PDK4: variants seen among roughly 807,000 people sequenced by gnomAD.
PDK4 encodes pyruvate dehydrogenase kinase 4.
PDK4 carries 43 observed loss-of-function variants against 51.7 expected under a neutral mutation model. That is an observed-to-expected ratio of 0.83 (90% CI 0.65 to 1.07). The LOEUF (loss-of-function observed/expected upper bound fraction) is 1.07, where lower values mean the gene tolerates loss of function less well. PDK4 is among the 50% of genes least tolerant of loss of function. The pLI is 0.00. For missense variants in PDK4, 498 were observed against 503.5 expected (o/e 0.99, Z 0.10); for synonymous variants, 170 against 176.6 (o/e 0.96, Z 0.30).
intron 10 of PDK4, 110 bp downstream of exon 10, chr7:95,586,900 T>C: frequency 1.6e-6 from 1 of 633,650 alleles, no homozygotes; most frequent in Non-Finnish European, 2.9e-6. Context: ...CCTGTAGTCA[T>C]TATTTGCATT....
intron 6 of PDK4, among the ~76,000 whole-genome samples, chr7:95,590,485 G>A (rs80104836): frequency 0.013 from 2,010 of 152,238 alleles, 44 homozygotes; most frequent in African/African-American, 0.044. Flanking sequence ...ATTCTTCAGC[G>A]TTCCAGGCCT....
At chr7:95,587,949 T>A in intron 7 of PDK4, 124 bp from the exon 8 acceptor site, 1 of 665,400 alleles carries the variant, frequency 1.5e-6, no homozygotes, top group South Asian at 1.9e-5. Context: ...TTTTTTAAGT[T>A]AGTAGTAAAA....
rs879153917 is a variant in PDK4 at position 95,587,679 on chromosome 7, A to G, written c.870+48T>C. On this transcript the variant is annotated intron_variant, in intron 8 of 10. Coordinates refer to ENST00000005178, the MANE Select transcript of PDK4 (RefSeq NM_002612.4). ...AGACAGCTTTATTACTATTGACCCT[A>G]TTTAATTCTCTCAAGAGACACCCAA... The G allele has an allele frequency of 1.4e-5, 19 of 1,325,536 alleles. No homozygotes were observed. The Admixed American group carries it at 3.2e-4, about 22-fold the overall frequency. 82.1% of individuals were successfully genotyped at this position (1,325,536 alleles called of 1,614,324 possible).
chr7:95,588,705 G>T (rs904297965), intron 7 of PDK4, among the ~76,000 whole-genome samples: 2 of 152,102 alleles, frequency 1.3e-5, no homozygotes, highest in African/African-American at 4.8e-5. Context: ...TCTTTTTTAG[G>T]CTTCCTTCTC....
Position 95,585,499 on chromosome 7 carries a change from C to A in PDK4, c.*142G>T. The A allele has an allele frequency of 1.6e-6, 1 of 645,004 alleles. No homozygotes were observed. The highest frequency in any genetic ancestry group is 2.5e-6 in the Non-Finnish European group (1 of 399,270). The allele number at this position is 645,004 out of a possible 1,614,324, so 40.0% of individuals were successfully genotyped here. On this transcript the variant is annotated 3_prime_UTR_variant, in exon 11 of 11. Transcript: ENST00000005178. ...TGGGTCACAGAAACAAGCTCCATTC[C>A]TCATTGGATCAGTGTTCTGATTAAG...
chr7:95,595,010 G>A lies in PDK4; in HGVS notation c.272+13C>T. 6.3e-7 allele frequency: 1 copy of A among 1,597,232 alleles called. No homozygotes were observed. Among genetic ancestry groups the A allele is most frequent in the South Asian group, 1.1e-5 (1 of 88,784 alleles). ...TTTCAAAACTAGAGACTTCAATATG[G>A]TTCACCACTTACCAGCTTTTAACCA... On this transcript the variant is annotated intron_variant, in intron 2 of 10. Coordinates refer to ENST00000005178, the MANE Select transcript of PDK4 (RefSeq NM_002612.4).
chr7:95,592,726 G>T, intron 4 of PDK4, 34 bp downstream of exon 4: 1 of 1,546,568 alleles, frequency 6.5e-7, no homozygotes, highest in Non-Finnish European at 8.9e-7. Flanking sequence ...CTACACCCAT[G>T]TCTATATACC....
At chr7:95,594,430 G>GTT (rs11308239) in intron 2 of PDK4, among the ~76,000 whole-genome samples, 29 of 149,508 alleles carry the variant, frequency 1.9e-4, no homozygotes, top group Admixed American at 1.9e-3. Context: ...GTCCTAAGTG[G>GTT]TTTTTTTTTT....
intron 6 of PDK4, among the ~76,000 whole-genome samples, chr7:95,590,299 C>T (rs1250812792): frequency 1.3e-5 from 2 of 151,932 alleles, no homozygotes; most frequent in East Asian, 1.9e-4. Context: ...AGTAAAATAA[C>T]ACACCTGATT....
Position 95,589,703 on chromosome 7 carries a change from G to A in PDK4, c.708C>T (p.Asp236=), listed in dbSNP as rs771679623. The A allele has an allele frequency of 3.8e-6, 6 of 1,576,200 alleles. No individual in the cohort carries two copies. In the African/African-American group the frequency reaches 5.4e-5, roughly 14 times the overall value. Residue 236 remains aspartate, a synonymous_variant, in exon 7 of 11, where the codon GAC becomes GAT. Transcript: ENST00000005178. The part of the protein sequence containing the change: ...KLTQVNGKFP[D]QPIHIVYVPS... ...GAACATACACGATGTGAATTGGTTG[G>A]TCTGGAAATTTTCCTAGAAAAATAA...
At chr7:95,594,954 C>T in intron 2 of PDK4, 69 bp downstream of exon 2, 1 of 1,052,502 alleles carries the variant, frequency 9.5e-7, no homozygotes, top group Admixed American at 2.2e-5. Flanking sequence ...ATGATGTTAA[C>T]ATAGTATAAG....
At chr7:95,586,061 G>C (rs1399389486) in intron 10 of PDK4, among the ~76,000 whole-genome samples, 1 of 152,106 alleles carries the variant, frequency 6.6e-6, no homozygotes, top group Non-Finnish European at 1.5e-5. Context: ...AAAAATGGGA[G>C]CCTGAAAGTT....
chr7:95,592,545 A>G lies in PDK4; in HGVS notation c.582T>C (p.Ile194=). The part of the protein sequence containing the change: ...QTGNPSHIGS[I]DPNCDVVAVV... Reference sequence around the variant, plus strand: ...CTGCTACCACATCACAGTTAGGATCAATGCTTCCAATGTGGCTTGGGTTTC... The same window carrying G: ...CTGCTACCACATCACAGTTAGGATCGATGCTTCCAATGTGGCTTGGGTTTC... The change falls in exon 5 of 11, where the codon ATT becomes ATC. Residue 194 remains isoleucine (I), a synonymous_variant. Coordinates refer to ENST00000005178, the MANE Select transcript of PDK4 (RefSeq NM_002612.4). 1 of 1,610,624 alleles carries G rather than the reference A, an allele frequency of 6.2e-7. No individual in the cohort carries two copies. The highest frequency in any genetic ancestry group is 8.5e-7 in the Non-Finnish European group (1 of 1,176,834).
intron 1 of PDK4, 131 bp downstream of exon 1, chr7:95,596,033 G>A (rs1791615135): frequency 9.9e-7 from 1 of 1,010,048 alleles, no homozygotes; most frequent in Non-Finnish European, 1.4e-6. Flanking sequence ...CTGGCGTCGA[G>A]GCTCCAGGGC....
intron 1 of PDK4, 28 bp downstream of exon 1, chr7:95,596,136 C>G: frequency 6.3e-7 from 1 of 1,589,288 alleles, no homozygotes; most frequent in Non-Finnish European, 8.6e-7. Flanking sequence ...ACCCTAGGAC[C>G]CAGCTTGGGC....
intron 8 of PDK4, 99 bp from the exon 9 acceptor site, chr7:95,587,627 A>G: frequency 8.8e-7 from 1 of 1,139,960 alleles, no homozygotes. Context: ...CACCTGGCAT[A>G]TATGACTGTT....
At chr7:95,589,072 T>C (rs1174577032) in intron 7 of PDK4, among the ~76,000 whole-genome samples, 2 of 152,208 alleles carry the variant, frequency 1.3e-5, no homozygotes. Context: ...TTATTCAAAA[T>C]TGAGAATCTC....
chr7:95,590,688 C>A (rs1554357493), intron 6 of PDK4, among the ~76,000 whole-genome samples: 1 of 152,160 alleles, frequency 6.6e-6, no homozygotes, highest in Non-Finnish European at 1.5e-5. Flanking sequence ...TTAGGCTACT[C>A]TTTGAGCAAC....
At chr7:95,589,087 C>T (rs1193613877) in intron 7 of PDK4, among the ~76,000 whole-genome samples, 1 of 152,166 alleles carries the variant, frequency 6.6e-6, no homozygotes, top group Non-Finnish European at 1.5e-5. Context: ...AATCTCAGGC[C>T]CCACTCTAGA....
Sources: allele counts gnomAD v4.1 joint callset (sites outside exome capture counted in the v4.1 genomes callset), GRCh38; gene constraint gnomAD v4.1.1; transcripts MANE v1.5; gene names NCBI Gene and HGNC (gene_info 2026-07-23, HGNC 2026-07-21).